The following NKAIN3 variants were observed in gnomAD, a reference collection of about 807,000 sequenced individuals.
The protein encoded by NKAIN3 is sodium/potassium transporting ATPase interacting 3, also known as sodium/potassium-transporting ATPase subunit beta-1-interacting protein 3.
Under a neutral mutation model 30.2 loss-of-function variants are expected in NKAIN3, and 25 were observed. The ratio of observed to expected loss-of-function variants is 0.83; its 90% CI spans 0.60 to 1.16. The LOEUF is 1.16. Ranked by LOEUF, NKAIN3 falls within the 50% of genes most tolerant of loss-of-function variation. NKAIN3 has a pLI of 0.00. For missense variants in NKAIN3, 225 were observed against 254.1 expected, an observed-to-expected ratio of 0.89 and a Z score of 0.78; for synonymous variants, 91 against 89.6, an observed-to-expected ratio of 1.02 and a Z score of -0.09.
chr8:62,895,367 C>T (rs571879569), intron 4 of NKAIN3, among the ~76,000 whole-genome samples: 1 of 152,270 alleles, frequency 6.6e-6, no homozygotes, highest in South Asian at 2.1e-4. Context: ...CCTTGCTATG[C>T]AAAGAGGAGC....
chr8:62,947,828 C>T (rs1022455354), intron 5 of NKAIN3, among the ~76,000 whole-genome samples: 8 of 152,322 alleles, frequency 5.3e-5, no homozygotes, highest in Middle Eastern at 6.8e-3. Context: ...TCTTGACTTG[C>T]CTGCCATGTG....
At chr8:62,663,712 ACTT>A (rs1813012634) in intron 3 of NKAIN3, among the ~76,000 whole-genome samples, 1 of 152,152 alleles carries the variant, frequency 6.6e-6, no homozygotes, top group Admixed American at 6.5e-5. Context: ...TCATCTCCCT[ACTT>A]CTTTTCTGCT....
At chr8:62,724,011 G>A (rs1160984919) in intron 3 of NKAIN3, among the ~76,000 whole-genome samples, 1 of 152,076 alleles carries the variant, frequency 6.6e-6, no homozygotes, top group Non-Finnish European at 1.5e-5. Context: ...ATCACTTTGT[G>A]TTATAGGACT....
intron 4 of NKAIN3, among the ~76,000 whole-genome samples, chr8:62,795,485 C>T (rs1255988032): frequency 6.6e-6 from 1 of 152,216 alleles, no homozygotes; most frequent in East Asian, 1.9e-4. Context: ...AGGCACCAAC[C>T]CATCCTAGAA....
rs560570760 is a variant in NKAIN3 at position 62,512,263 on chromosome 8, A to C, written c.55-67276A>C. ...CTAATTAATTTGTGATTATTGATGG[A>C]AGACTGTGTGTTTGTAGGTGTTTAT... On this transcript the variant is annotated intron_variant, in intron 1 of 6. Transcript: ENST00000623646. 5.9e-5 allele frequency among the ~76,000 whole-genome samples: 9 copies of C among 152,250 alleles called. No individual in the cohort carries two copies. In the South Asian group the frequency reaches 1.9e-3, roughly 32 times the overall value.
In NKAIN3 at chr8:62,978,266, T is replaced by C. The variant is rs1823989372; in HGVS notation, c.*12859T>C. 1 of 152,516 alleles carries C rather than the reference T, an allele frequency of 6.6e-6. No homozygotes were observed. The highest frequency in any genetic ancestry group is 2.1e-4 in the South Asian group (1 of 4,836). The allele number at this position is 152,516 out of a possible 1,614,324, so 9.4% of individuals were successfully genotyped here. ...CTGTGCTAGGAGATCTGCTGCTCTC[T>C]TCAGAGCTGGCAGGTGGGAATGTTT... is the stretch of plus-strand genomic sequence containing the variant. On this transcript the variant is annotated 3_prime_UTR_variant, in exon 7 of 7. Transcript: ENST00000623646.
chr8:62,403,163 T>G (rs557513661), intron 1 of NKAIN3, among the ~76,000 whole-genome samples: 3 of 152,314 alleles, frequency 2.0e-5, no homozygotes, highest in African/African-American at 7.2e-5. Flanking sequence ...TGTGCAACTT[T>G]GGACTTGAGA....
intron 1 of NKAIN3, among the ~76,000 whole-genome samples, chr8:62,252,838 G>A (rs888362675): frequency 1.1e-4 from 17 of 152,136 alleles, no homozygotes; most frequent in African/African-American, 4.1e-4. Flanking sequence ...ATAAAAAGAA[G>A]CACTTGATCA....
downstream of NKAIN3, among the ~76,000 whole-genome samples, chr8:62,989,639 G>A (rs764579030): frequency 3.3e-5 from 5 of 152,086 alleles, no homozygotes; most frequent in Non-Finnish European, 7.4e-5. Context: ...CAGAGCTTGC[G>A]ATGAGCTGAG....
chr8:62,789,509 A>T (rs1817634626), intron 4 of NKAIN3, among the ~76,000 whole-genome samples: 1 of 152,088 alleles, frequency 6.6e-6, no homozygotes, highest in African/African-American at 2.4e-5. Context: ...TCTTTTCCTA[A>T]TTGAATGCCC....
Position 62,924,293 on chromosome 8 carries a change from A to G in NKAIN3, c.532+5780A>G, listed in dbSNP as rs181630832. The stretch of plus-strand genomic sequence containing the variant: ...ATTTTTCTCCCACCCTTTCCGGGTT[A>G]GTTGAAGATACGGATGATATATTGT... On this transcript the variant is annotated intron_variant, in intron 5 of 6. Transcript: ENST00000623646. 3.3e-3 allele frequency among the ~76,000 whole-genome samples: 504 copies of G among 152,326 alleles called. 2 individuals are homozygous for G. Among genetic ancestry groups the G allele is most frequent in the Middle Eastern group, 6.8e-3 (2 of 294 alleles).
In NKAIN3 at chr8:62,965,386, G is replaced by A. The variant is rs899090077; in HGVS notation, c.636G>A (p.Met212Ile). 3 of 985,664 alleles carry A rather than the reference G, an allele frequency of 3.0e-6. No homozygotes were observed. The highest frequency in any genetic ancestry group is 3.6e-6 in the Non-Finnish European group (3 of 829,924). The allele number at this position is 985,664 out of a possible 1,614,324, so 61.1% of individuals were successfully genotyped here. The change falls in exon 7 of 7, where the codon ATG becomes ATA. Residue 212 changes from methionine (M) to isoleucine (I), a missense_variant. Coordinates refer to ENST00000623646, the MANE Select transcript of NKAIN3 (RefSeq NM_001304533.3). The stretch of plus-strand genomic sequence containing the variant: ...TAAGTAATGACATTGAACCAGAAAT[G>A]CGGCTGCTGAACTTGACTTAGGGAG... ...VEISNDIEPE[M>I]RLLNLT
At chr8:62,595,144 AT>A (rs1309753382) in intron 3 of NKAIN3, among the ~76,000 whole-genome samples, 1 of 151,926 alleles carries the variant, frequency 6.6e-6, no homozygotes, top group African/African-American at 2.4e-5. Context: ...AATGAAAAAC[AT>A]TTTTATGTTG....
At chr8:62,286,760 T>C (rs1813391965) in intron 1 of NKAIN3, among the ~76,000 whole-genome samples, 1 of 152,082 alleles carries the variant, frequency 6.6e-6, no homozygotes, top group African/African-American at 2.4e-5. Flanking sequence ...TTGTGTTCTT[T>C]GCCTGGACAG....
At chr8:62,323,200 A>AACTT (rs1814999193) in intron 1 of NKAIN3, among the ~76,000 whole-genome samples, 1 of 152,192 alleles carries the variant, frequency 6.6e-6, no homozygotes, top group South Asian at 2.1e-4. Flanking sequence ...ATTACATGAA[A>AACTT]ACTTATAGTC....
At chr8:62,667,847 T>G (rs1452886361) in intron 3 of NKAIN3, among the ~76,000 whole-genome samples, 1 of 152,142 alleles carries the variant, frequency 6.6e-6, no homozygotes, top group Non-Finnish European at 1.5e-5. Flanking sequence ...ACTTGCCTCT[T>G]TTACAATCAT....
intron 4 of NKAIN3, among the ~76,000 whole-genome samples, chr8:62,878,502 T>C (rs1820868153): frequency 6.6e-6 from 1 of 151,988 alleles, no homozygotes; most frequent in African/African-American, 2.4e-5. Context: ...TGTTCTGTTG[T>C]TGTGTTTTTA....
chr8:62,943,687 A>ATG (rs968556724), intron 5 of NKAIN3, among the ~76,000 whole-genome samples: 10 of 150,272 alleles, frequency 6.7e-5, no homozygotes, highest in East Asian at 3.9e-4. Flanking sequence ...ATATATTTAT[A>ATG]TGTGTGTGTG....
At chr8:62,451,191 G>A (rs1412424063) in intron 1 of NKAIN3, among the ~76,000 whole-genome samples, 1 of 151,812 alleles carries the variant, frequency 6.6e-6, no homozygotes, top group East Asian at 1.9e-4. Flanking sequence ...CAAAAATCAA[G>A]TGCTCATCAT....
Sources: gnomAD v4.1 joint callset for allele counts (sites outside exome capture counted in the v4.1 genomes callset) on GRCh38, gnomAD v4.1.1 for gene constraint, MANE v1.5 for transcripts, NCBI Gene and HGNC (gene_info 2026-07-23, HGNC 2026-07-21) for gene names.